Variants in ARNT2 observed in about 807,000 individuals in gnomAD.
ARNT2 encodes the protein ARNT protein 2.
Under a neutral mutation model 91.7 loss-of-function variants are expected in ARNT2, and 36 were observed. The observed-to-expected ratio is 0.39, with a 90% CI of 0.30 to 0.52. The LOEUF (loss-of-function observed/expected upper bound fraction) is 0.52. ARNT2 is among the 20% of genes least tolerant of loss of function. The pLI, the probability that ARNT2 is intolerant of heterozygous loss-of-function variation, is 0.72. For missense variants in ARNT2, 775 were observed against 939.3 expected (o/e 0.83, Z 2.29); for synonymous variants, 365 against 347.1 (o/e 1.05, Z -0.57).
chr15:80,448,681 G>C (rs770348586), intron 1 of ARNT2, among the ~76,000 whole-genome samples: 2 of 152,152 alleles, frequency 1.3e-5, no homozygotes, highest in Non-Finnish European at 2.9e-5. Context: ...TGAGGTAATG[G>C]CTTTAAAATA....
chr15:80,516,257 T>C (rs1164754274), intron 8 of ARNT2, among the ~76,000 whole-genome samples: 1 of 152,248 alleles, frequency 6.6e-6, no homozygotes. Context: ...CTTTTTTGCC[T>C]GCTCAATGTA....
At chr15:80,563,602 C>G (rs977577547) in intron 12 of ARNT2, among the ~76,000 whole-genome samples, 1 of 152,208 alleles carries the variant, frequency 6.6e-6, no homozygotes, top group Non-Finnish European at 1.5e-5. Context: ...GCTGCTTGTG[C>G]CTGGTTTCTT....
At chr15:80,593,322 G>A (rs28682468) in intron 18 of ARNT2, among the ~76,000 whole-genome samples, 2,829 of 152,322 alleles carry the variant, frequency 0.019, 90 homozygotes, top group African/African-American at 0.063. Flanking sequence ...TGGGGTTCTC[G>A]TCTACCCTGG....
intron 5 of ARNT2, chr15:80,488,564 A>T (rs1185524618): frequency 6.6e-6 from 1 of 152,196 alleles, no homozygotes; most frequent in Non-Finnish European, 1.5e-5. Context: ...TTAAAAATTC[A>T]GATGCCAGGA....
chr15:80,583,471 C>T (rs1898836767), intron 17 of ARNT2, among the ~76,000 whole-genome samples: 1 of 152,212 alleles, frequency 6.6e-6, no homozygotes, highest in Non-Finnish European at 1.5e-5. Flanking sequence ...CCACTGTGGC[C>T]AAGAACAGGC....
At chr15:80,528,423 A>G (rs895202310) in intron 8 of ARNT2, among the ~76,000 whole-genome samples, 2 of 151,120 alleles carry the variant, frequency 1.3e-5, no homozygotes, top group Middle Eastern at 3.4e-3. Flanking sequence ...TTTATCATCT[A>G]TCTATCCATC....
chr15:80,419,078 T>C (rs921516693), intron 1 of ARNT2, among the ~76,000 whole-genome samples: 1 of 152,180 alleles, frequency 6.6e-6, no homozygotes, highest in Non-Finnish European at 1.5e-5. Context: ...ACGCAGGATC[T>C]GTTAGGTCTG....
chr15:80,444,540 G>C (rs1339902689), intron 1 of ARNT2: 1 of 152,920 alleles, frequency 6.5e-6, no homozygotes, highest in Non-Finnish European at 1.5e-5. Flanking sequence ...GATGTGAATG[G>C]TGTGTGCATG....
chr15:80,442,464 C>T (rs569922872), intron 1 of ARNT2, among the ~76,000 whole-genome samples: 31 of 152,360 alleles, frequency 2.0e-4, no homozygotes, highest in African/African-American at 6.3e-4. Flanking sequence ...TGGGTCCTTT[C>T]ATCTCTGACC....
At chr15:80,463,483 A>C (rs548456379) in intron 3 of ARNT2, among the ~76,000 whole-genome samples, 1 of 151,592 alleles carries the variant, frequency 6.6e-6, no homozygotes, top group South Asian at 2.1e-4. Context: ...GGTTAGGGTT[A>C]GGGTTAGGGT....
chr15:80,520,568 T>C (rs1433439605), intron 8 of ARNT2, among the ~76,000 whole-genome samples: 1 of 149,580 alleles, frequency 6.7e-6, no homozygotes, highest in South Asian at 2.1e-4. Context: ...CAAAAAAAAA[T>C]AAATAAATAA....
intron 1 of ARNT2, among the ~76,000 whole-genome samples, chr15:80,439,770 A>C (rs1188063923): frequency 6.6e-6 from 1 of 152,152 alleles, no homozygotes; most frequent in Non-Finnish European, 1.5e-5. Flanking sequence ...GTCATTGAGA[A>C]CTGGCCTCTT....
intron 3 of ARNT2, among the ~76,000 whole-genome samples, chr15:80,459,006 A>G (rs1411685632): frequency 6.6e-6 from 1 of 152,132 alleles, no homozygotes; most frequent in Non-Finnish European, 1.5e-5. Flanking sequence ...CATGGTAGCC[A>G]TTTTTGGTGA....
intron 1 of ARNT2, among the ~76,000 whole-genome samples, chr15:80,425,922 C>T (rs1320055840): frequency 6.6e-6 from 1 of 152,120 alleles, no homozygotes; most frequent in Non-Finnish European, 1.5e-5. Flanking sequence ...CATGGTGGTT[C>T]ACACCTGTGG....
chr15:80,571,994 A>G (rs8027924), intron 12 of ARNT2, among the ~76,000 whole-genome samples: 9,220 of 152,214 alleles, frequency 0.061, 824 homozygotes, highest in African/African-American at 0.2. Context: ...ACACCTGTCC[A>G]TTTATGGCCA....
intron 8 of ARNT2, among the ~76,000 whole-genome samples, chr15:80,527,200 C>T (rs994549535): frequency 8.5e-5 from 13 of 152,198 alleles, no homozygotes; most frequent in African/African-American, 1.7e-4. Context: ...TTTGCTAGGT[C>T]GTGGGGATCC....
intron 1 of ARNT2, among the ~76,000 whole-genome samples, chr15:80,410,055 G>T (rs541735378): frequency 6.6e-6 from 1 of 152,338 alleles, no homozygotes; most frequent in African/African-American, 2.4e-5. Context: ...GGCATGATCT[G>T]ACCTGCACTT....
intron 5 of ARNT2, among the ~76,000 whole-genome samples, chr15:80,498,411 A>T (rs1009930233): frequency 6.6e-6 from 1 of 152,224 alleles, no homozygotes; most frequent in African/African-American, 2.4e-5. Flanking sequence ...ACCACTTTAA[A>T]AACAGTGACC....
intron 3 of ARNT2, among the ~76,000 whole-genome samples, chr15:80,466,097 G>A (rs1313015707): frequency 6.6e-6 from 1 of 152,210 alleles, no homozygotes; most frequent in African/African-American, 2.4e-5. Context: ...GCTTGCTCCG[G>A]GTCTAAGGTT....
Sources: allele counts gnomAD v4.1 joint callset (sites outside exome capture counted in the v4.1 genomes callset), GRCh38; gene constraint gnomAD v4.1.1; transcripts MANE v1.5; gene names NCBI Gene and HGNC (gene_info 2026-07-23, HGNC 2026-07-21).